BTBD1: variants seen among roughly 807,000 people sequenced by gnomAD.
BTBD1 encodes BTB domain containing 1, also known as BTB/POZ domain-containing protein 1.
In BTBD1, 34 loss-of-function variants were observed where a neutral mutation model predicts 48.0. That is an observed-to-expected ratio of 0.71 (90% CI 0.54 to 0.94). The LOEUF is 0.94. Ranked by LOEUF, BTBD1 falls within the 40% of genes least tolerant of loss-of-function variation. The pLI is 0.00. For missense variants in BTBD1, 543 were observed against 625.6 expected (o/e 0.87, Z 1.41); for synonymous variants, 261 against 242.1 (o/e 1.08, Z -0.72).
chr15:83,020,653 A>G (rs1406101461), intron 6 of BTBD1, 22 bp downstream of exon 6: 6 of 1,431,908 alleles, frequency 4.2e-6, no homozygotes, highest in Admixed American at 3.8e-5. Flanking sequence ...AAAATGATAT[A>G]TGGTGGGGGA....
intron 3 of BTBD1, among the ~76,000 whole-genome samples, chr15:83,048,314 TTC>T (rs2032917074): frequency 6.6e-6 from 1 of 152,188 alleles, no homozygotes; most frequent in South Asian, 2.1e-4. Flanking sequence ...CCTTTAGCTG[TTC>T]TGTTTCAAAT....
chr15:83,063,363 GTCTACTCTA>G (rs2033206047), intron 1 of BTBD1, among the ~76,000 whole-genome samples: 1 of 152,032 alleles, frequency 6.6e-6, no homozygotes. Context: ...TCATATTTCT[GTCTACTCTA>G]TGACACTACT....
chr15:83,030,352 T>C (rs1296520324), intron 4 of BTBD1, 24 bp from the exon 5 acceptor site: 4 of 1,569,492 alleles, frequency 2.5e-6, no homozygotes, highest in Admixed American at 3.7e-5. Context: ...AACATAAGCC[T>C]AAAAAAAGGA....
rs61294242 is a variant in BTBD1, at chr15:83,042,348, T to TTATATATATATATATATATATATATA, written c.665-449_665-424dup. 2.7e-3 allele frequency among the ~76,000 whole-genome samples: 293 copies of TTATATATATATATATATATATATATA among 109,668 alleles called. 1 individual carries two copies. Among genetic ancestry groups the TTATATATATATATATATATATATATA allele is most frequent in the Admixed American group, 4.1e-3 (42 of 10,236 alleles). 71.9% of individuals were successfully genotyped at this position (109,668 alleles called of 152,430 possible). ...ACGTGCCAGGTACTATTAGGCAATT[T>TTATATATATATATATATATATATATA]TATATATATATATATATATATATAT... On this transcript the variant is annotated intron_variant, in intron 3 of 7. Coordinates refer to ENST00000261721, the MANE Select transcript of BTBD1 (RefSeq NM_025238.4).
chr15:83,051,557 T>G (rs1231282891), intron 2 of BTBD1, among the ~76,000 whole-genome samples: 2 of 150,906 alleles, frequency 1.3e-5, no homozygotes, highest in Non-Finnish European at 3.0e-5. Flanking sequence ...GAAAATGCAC[T>G]TCCTAGATTA....
At chr15:83,063,341 T>C (rs1308412413) in intron 1 of BTBD1, among the ~76,000 whole-genome samples, 1 of 152,216 alleles carries the variant, frequency 6.6e-6, no homozygotes, top group Non-Finnish European at 1.5e-5. Flanking sequence ...AGCTGTTCCC[T>C]CACCTCCAAA....
rs144905152 is a variant in BTBD1 at position 83,018,225 on chromosome 15, C to T, written c.1291G>A (p.Gly431Ser). ...VCYTACATLK[G>S]PDSHYGTKGL... is the part of the protein sequence containing the mutation. Reference sequence around the variant, plus strand: ...TTTGTGCCATAGTGGGAATCTGGACCCTAAATGAGAACAAAAGGTTCCTTA... The same window carrying T: ...TTTGTGCCATAGTGGGAATCTGGACTCTAAATGAGAACAAAAGGTTCCTTA... The change falls in exon 8 of 8, where the codon GGT (glycine) becomes AGT (serine). Residue 431 changes from glycine (G) to serine (S), a missense_variant and splice_region_variant. This residue lies in a region of BTBD1 where 300 missense variants were observed against 350.0 expected (regional missense o/e 0.86). Transcript: ENST00000261721. The T allele has an allele frequency of 3.2e-6, 5 of 1,564,216 alleles. No individual in the cohort carries two copies. Among genetic ancestry groups the T allele is most frequent in the Non-Finnish European group, 4.3e-6 (5 of 1,156,482 alleles).
intron 1 of BTBD1, among the ~76,000 whole-genome samples, chr15:83,065,397 A>AT (rs1567115227): frequency 6.6e-6 from 1 of 152,104 alleles, no homozygotes; most frequent in East Asian, 1.9e-4. Flanking sequence ...AATTAGTTGT[A>AT]TTTTTTCTTT....
At chr15:83,034,471 G>C (rs1195969098) in intron 4 of BTBD1, among the ~76,000 whole-genome samples, 2 of 152,092 alleles carry the variant, frequency 1.3e-5, no homozygotes, top group Admixed American at 6.6e-5. Flanking sequence ...AAATTTAGCA[G>C]GGTGTGGTGG....
chr15:83,038,470 T>C (rs908105399), intron 4 of BTBD1, among the ~76,000 whole-genome samples: 7 of 152,158 alleles, frequency 4.6e-5, no homozygotes, highest in South Asian at 4.1e-4. Flanking sequence ...AATGACCATA[T>C]TGCCCAAAGC....
intron 2 of BTBD1, among the ~76,000 whole-genome samples, chr15:83,055,499 C>T (rs1303220427): frequency 2.0e-5 from 3 of 152,140 alleles, no homozygotes; most frequent in African/African-American, 7.2e-5. Flanking sequence ...CTCAAGTGAT[C>T]CGCCCACCTG....
chr15:83,034,565 G>C (rs1388189904), intron 4 of BTBD1, among the ~76,000 whole-genome samples: 1 of 152,200 alleles, frequency 6.6e-6, no homozygotes, highest in African/African-American at 2.4e-5. Context: ...AGTGAGCCAA[G>C]ATTGTGCCAC....
At chr15:83,059,832 T>C (rs1339112385) in intron 1 of BTBD1, among the ~76,000 whole-genome samples, 2 of 152,140 alleles carry the variant, frequency 1.3e-5, no homozygotes, top group Non-Finnish European at 2.9e-5. Flanking sequence ...CCTCAAGCAA[T>C]CCTCCCGCCT....
intron 5 of BTBD1, among the ~76,000 whole-genome samples, chr15:83,021,949 G>T (rs1054963201): frequency 5.3e-5 from 8 of 152,056 alleles, no homozygotes; most frequent in African/African-American, 1.7e-4. Context: ...GTTCTTTACA[G>T]AATTATTTCC....
At chr15:83,045,055 C>A (rs2032850239) in intron 3 of BTBD1, among the ~76,000 whole-genome samples, 1 of 152,148 alleles carries the variant, frequency 6.6e-6, no homozygotes, top group South Asian at 2.1e-4. Context: ...ATAAAACAGG[C>A]ACTTCTATGA....
intron 3 of BTBD1, among the ~76,000 whole-genome samples, chr15:83,045,577 T>C (rs1025235763): frequency 2.0e-5 from 3 of 152,120 alleles, no homozygotes; most frequent in Non-Finnish European, 4.4e-5. Context: ...TTGCTTAATA[T>C]CAAACATAAG....
rs2032195820 is a variant in BTBD1 at position 83,017,641 on chromosome 15, C to T, written c.*426G>A. 6.5e-6 allele frequency: 1 copy of T among 152,726 alleles called. No individual in the cohort carries two copies. 9.5% of individuals were successfully genotyped at this position (152,726 alleles called of 1,614,324 possible). On this transcript the variant is annotated 3_prime_UTR_variant, in exon 8 of 8. Transcript: ENST00000261721. The stretch of plus-strand genomic sequence containing the variant: ...TAAGAATTCTGTAGGAATACTGACC[C>T]ATCTCTTTTCATCCAACCTTCAAAA...
rs2032197125 is a variant in BTBD1 at position 83,017,713 on chromosome 15, A to C, written c.*354T>G. 6.4e-6 allele frequency: 1 copy of C among 155,362 alleles called. No homozygotes were observed. Among genetic ancestry groups the C allele is most frequent in the African/African-American group, 2.4e-5 (1 of 41,562 alleles). 9.6% of individuals were successfully genotyped at this position (155,362 alleles called of 1,614,324 possible). The stretch of plus-strand genomic sequence containing the variant: ...CTCACCTAACCTTCAAAATAGTTAA[A>C]ACAAAAACAAACCCAAACTAGCTAT... On this transcript the variant is annotated 3_prime_UTR_variant, in exon 8 of 8. Transcript: ENST00000261721.
chr15:83,032,763 T>C (rs909012101), intron 4 of BTBD1, among the ~76,000 whole-genome samples: 1 of 151,816 alleles, frequency 6.6e-6, no homozygotes, highest in Non-Finnish European at 1.5e-5. Flanking sequence ...GATAAAAGCC[T>C]ACATGTTTGG....
Sources: allele counts gnomAD v4.1 joint callset (sites outside exome capture counted in the v4.1 genomes callset), GRCh38; gene constraint gnomAD v4.1.1; regional missense constraint gnomAD v4.1.1; transcripts MANE v1.5; gene names NCBI Gene and HGNC (gene_info 2026-07-23, HGNC 2026-07-21).